CAST: variants seen among roughly 807,000 people sequenced by gnomAD.
CAST encodes calpastatin.
A neutral mutation model predicts 119.6 loss-of-function variants in CAST; 76 were observed. The observed-to-expected ratio is 0.64, with a 90% CI of 0.53 to 0.77. The LOEUF (loss-of-function observed/expected upper bound fraction) is 0.77, where lower values mean the gene tolerates loss of function less well. CAST is among the 30% of genes least tolerant of loss of function. The pLI is 0.00. For synonymous variants in CAST, 319 were observed against 331.6 expected (o/e 0.96, Z 0.41); for missense variants, 953 against 946.5 (o/e 1.01, Z -0.09).
intron 2 of CAST, among the ~76,000 whole-genome samples, chr5:96,678,640 C>T (rs1224198702): frequency 6.6e-6 from 1 of 152,040 alleles, no homozygotes; most frequent in Non-Finnish European, 1.5e-5. Context: ...GTCAGGAGAT[C>T]GACACCATCC....
In CAST at chr5:96,748,596, C is replaced by T. The variant is rs567491417; in HGVS notation, c.1411C>T (p.Pro471Ser). The change falls in exon 19 of 32, where the codon CCA becomes TCA. Residue 471 changes from proline to serine, a missense_variant. Transcript: ENST00000675179. ...RSECKEKPSK[P>S]TEKTEESKAA... ...TGAATGTAAAGAGAAACCATCTAAGCCAACTGAAAAGACAGAAGTATGTTT... is the reference window on the plus strand; with the variant it reads ...TGAATGTAAAGAGAAACCATCTAAGTCAACTGAAAAGACAGAAGTATGTTT... The T allele has an allele frequency of 4.6e-6, 7 of 1,510,550 alleles. No individual in the cohort carries two copies. In the East Asian group the frequency reaches 1.1e-4, roughly 24 times the overall value. The allele number at this position is 1,510,550 out of a possible 1,614,324, so 93.6% of individuals were successfully genotyped here.
chr5:96,748,599 A>C lies in CAST; in HGVS notation c.1414A>C (p.Thr472Pro). ...SECKEKPSKP[T>P]EKTEESKAAA... ...ATGTAAAGAGAAACCATCTAAGCCAACTGAAAAGACAGAAGTATGTTTCTA... is the reference window on the plus strand; with the variant it reads ...ATGTAAAGAGAAACCATCTAAGCCACCTGAAAAGACAGAAGTATGTTTCTA... Residue 472 changes from threonine (T) to proline (P), a missense_variant, in exon 19 of 32, where the codon ACT (threonine) becomes CCT (proline). Physicochemically the swap from Thr to Pro is conservative, Grantham distance 38 (BLOSUM62 -1). Coordinates refer to ENST00000675179, the MANE Select transcript of CAST (RefSeq NM_001750.7). 6.7e-7 allele frequency: 1 copy of C among 1,488,210 alleles called. No homozygotes were observed. The highest frequency in any genetic ancestry group is 2.3e-5 in the East Asian group (1 of 44,230). The allele number at this position is 1,488,210 out of a possible 1,614,324, so 92.2% of individuals were successfully genotyped here. A position where few individuals can be genotyped will look rare whatever the true frequency, so the allele number is the denominator to read the frequency against.
the CAST span, among the ~76,000 whole-genome samples, chr5:96,426,761 G>A: frequency 6.6e-6 from 1 of 152,102 alleles, no homozygotes; most frequent in Admixed American, 6.6e-5. Flanking sequence ...ACAATTCAGT[G>A]TGTGGTGGAA....
the CAST span, among the ~76,000 whole-genome samples, chr5:96,127,081 AAT>A: frequency 2.0e-5 from 3 of 152,128 alleles, no homozygotes; most frequent in African/African-American, 4.8e-5. Context: ...AGGACTTTAA[AAT>A]ATGTTGGAAT....
chr5:96,299,274 AACAACAACAACAAC>A, the CAST span, among the ~76,000 whole-genome samples: 1 of 149,916 alleles, frequency 6.7e-6, no homozygotes, highest in Non-Finnish European at 1.5e-5. Context: ...CAACAACAAC[AACAACAACAACAAC>A]AACAAACAAA....
At chr5:96,382,248 C>A in the CAST span, among the ~76,000 whole-genome samples, 2 of 152,208 alleles carry the variant, frequency 1.3e-5, no homozygotes, top group Admixed American at 1.3e-4. Context: ...AGTGCTCACA[C>A]AGTTTATCAT....
the CAST span, among the ~76,000 whole-genome samples, chr5:96,395,541 A>T: frequency 6.6e-6 from 1 of 152,166 alleles, no homozygotes; most frequent in Non-Finnish European, 1.5e-5. Context: ...CCAACACAGG[A>T]ACAGAAAACC....
the CAST span, among the ~76,000 whole-genome samples, chr5:96,216,226 A>G: frequency 6.6e-6 from 1 of 152,194 alleles, no homozygotes; most frequent in Non-Finnish European, 1.5e-5. Context: ...CTTCTGGTCA[A>G]TAGTAGGCTA....
the CAST span, among the ~76,000 whole-genome samples, chr5:95,982,340 T>C: frequency 6.6e-6 from 1 of 152,082 alleles, no homozygotes; most frequent in Non-Finnish European, 1.5e-5. Flanking sequence ...TGTGTAGTTA[T>C]ATGCAATTTT....
chr5:96,770,014 TTG>T (rs1197079569), intron 29 of CAST: 10 of 152,940 alleles, frequency 6.5e-5, no homozygotes, highest in African/African-American at 2.4e-4. Flanking sequence ...GTGAGTAATG[TTG>T]CAGTGAATAT....
At chr5:96,768,568 G>A (rs954447261) in intron 29 of CAST, 10 of 338,182 alleles carry the variant, frequency 3.0e-5, no homozygotes, top group Admixed American at 2.5e-4. Context: ...ACTGCTTAAC[G>A]TTATTTCTTA....
intron 1 of CAST, among the ~76,000 whole-genome samples, chr5:96,607,005 A>G (rs1484139798): frequency 6.6e-6 from 1 of 152,186 alleles, no homozygotes; most frequent in East Asian, 1.9e-4. Flanking sequence ...GAACCACTAT[A>G]TTGGCGGGCG....
chr5:96,458,766 A>G, the CAST span, among the ~76,000 whole-genome samples: 1 of 152,072 alleles, frequency 6.6e-6, no homozygotes, highest in African/African-American at 2.4e-5. Flanking sequence ...TTTCAGAATT[A>G]ATTCTTTTTT....
At chr5:96,500,272 T>C in the CAST span, among the ~76,000 whole-genome samples, 1 of 152,206 alleles carries the variant, frequency 6.6e-6, no homozygotes, top group Non-Finnish European at 1.5e-5. Flanking sequence ...GCCATAAACC[T>C]TCAATTTGTA....
intron 1 of CAST, among the ~76,000 whole-genome samples, chr5:96,558,585 C>T (rs111609209): frequency 1.3e-5 from 2 of 152,244 alleles, no homozygotes; most frequent in South Asian, 2.1e-4. Flanking sequence ...AACACCTCTA[C>T]ACAAATAAAC....
the CAST span, among the ~76,000 whole-genome samples, chr5:96,142,138 C>T: frequency 2.0e-5 from 3 of 152,148 alleles, no homozygotes; most frequent in African/African-American, 4.8e-5. Context: ...ATTGGCCAGG[C>T]ACAGTGGCTC....
intron 8 of CAST, 23 bp from the exon 9 acceptor site, chr5:96,730,757 A>G (rs781162406): frequency 8.5e-5 from 135 of 1,583,670 alleles, no homozygotes; most frequent in South Asian, 2.3e-4. Flanking sequence ...AGCTCTGTCA[A>G]CCTTTTATCC....
chr5:96,096,196 C>A, the CAST span, among the ~76,000 whole-genome samples: 1 of 152,110 alleles, frequency 6.6e-6, no homozygotes, highest in African/African-American at 2.4e-5. Flanking sequence ...CAGGGAACCT[C>A]CATGTATACT....
At chr5:95,962,629 T>A in the CAST span, among the ~76,000 whole-genome samples, 2 of 152,194 alleles carry the variant, frequency 1.3e-5, no homozygotes, top group Non-Finnish European at 2.9e-5. Flanking sequence ...TTTCGTATGG[T>A]GGGCATGGTA....
Sources: gnomAD v4.1 joint callset for allele counts (sites outside exome capture counted in the v4.1 genomes callset) on GRCh38, gnomAD v4.1.1 for gene constraint, MANE v1.5 for transcripts, NCBI Gene and HGNC (gene_info 2026-07-23, HGNC 2026-07-21) for gene names.